L3MBTL2: variants seen among roughly 807,000 people sequenced by gnomAD.
The protein encoded by L3MBTL2 is lethal(3)malignant brain tumor-like protein 2.
L3MBTL2 carries 49 observed loss-of-function variants against 86.4 expected under a neutral mutation model. The ratio of observed to expected loss-of-function variants is 0.57; its 90% CI spans 0.45 to 0.72. The LOEUF is 0.72. L3MBTL2 is among the 30% of genes least tolerant of loss of function. The pLI is 0.00. For missense variants in L3MBTL2, 755 were observed against 923.7 expected, an observed-to-expected ratio of 0.82 and a Z score of 2.37; for synonymous variants, 336 against 350.6, an observed-to-expected ratio of 0.96 and a Z score of 0.47.
intron 2 of L3MBTL2, among the ~76,000 whole-genome samples, chr22:41,210,627 C>G (rs866312132): frequency 6.6e-6 from 1 of 152,216 alleles, no homozygotes; most frequent in African/African-American, 2.4e-5. Flanking sequence ...CCGCGCCAGC[C>G]TAACTTTTGT....
intron 6 of L3MBTL2, 46 bp from the exon 7 acceptor site, chr22:41,220,688 T>A (rs2031747055): frequency 6.4e-7 from 1 of 1,556,750 alleles, no homozygotes; most frequent in East Asian, 2.3e-5. Context: ...GAACATACCT[T>A]CCCCAGCTCA....
In L3MBTL2 at chr22:41,227,443, C is replaced by T. The variant is rs2032265523; in HGVS notation, c.1822+120C>T. On this transcript the variant is annotated intron_variant, in intron 14 of 16. Coordinates refer to ENST00000216237, the MANE Select transcript of L3MBTL2 (RefSeq NM_031488.5). This position sits in a 1 kb window ranked among gnomAD's most constrained non-coding sequence, Gnocchi z 6.0. ...TGAGGTGGAGATGTCTCATGGACCACTTTAAGTAGAGAGTGAGCCCCGTCA... is the reference window on the plus strand; with the variant it reads ...TGAGGTGGAGATGTCTCATGGACCATTTTAAGTAGAGAGTGAGCCCCGTCA... 1 of 1,213,602 alleles carries T rather than the reference C, an allele frequency of 8.2e-7. No homozygotes were observed. The highest frequency in any genetic ancestry group is 1.9e-4 in the Middle Eastern group (1 of 5,310). 75.2% of individuals were successfully genotyped at this position (1,213,602 alleles called of 1,614,324 possible).
Position 41,230,317 on chromosome 22 carries a change from A to C in L3MBTL2, c.*66A>C. The C allele has an allele frequency of 1.7e-6, 2 of 1,152,914 alleles. No homozygotes were observed. The highest frequency in any genetic ancestry group is 2.6e-6 in the Non-Finnish European group (2 of 765,952). 71.4% of individuals were successfully genotyped at this position (1,152,914 alleles called of 1,614,324 possible). A position where few individuals can be genotyped will look rare whatever the true frequency, so the allele number is the denominator to read the frequency against. On this transcript the variant is annotated 3_prime_UTR_variant, in exon 17 of 17. Transcript: ENST00000216237. ...CCAGCGTTTCTCTACCACCACCACC[A>C]TGCCTCCACCTGACTTTGGCTTGGA...
chr22:41,230,545 C>A lies in L3MBTL2; in HGVS notation c.*294C>A. ...CCAAAGCTGGAACGCTAGCTGCCTG[C>A]TCTTCCTTAAGATGGCCTCCCCCCG... On this transcript the variant is annotated 3_prime_UTR_variant, in exon 17 of 17. Coordinates refer to ENST00000216237, the MANE Select transcript of L3MBTL2 (RefSeq NM_031488.5). The A allele has an allele frequency of 2.4e-6, 1 of 416,492 alleles. No homozygotes were observed. The highest frequency in any genetic ancestry group is 4.9e-5 in the East Asian group (1 of 20,356). The allele number at this position is 416,492 out of a possible 1,614,324, so 25.8% of individuals were successfully genotyped here.
intron 5 of L3MBTL2, chr22:41,217,465 G>A (rs1056924568): frequency 1.1e-5 from 5 of 458,842 alleles, no homozygotes; most frequent in East Asian, 8.3e-5. Flanking sequence ...AGCTGATGTC[G>A]AAGGGTCTTT....
rs1275494057 is a variant in L3MBTL2 at position 41,231,043 on chromosome 22, T to G, written c.*792T>G. 1 of 152,226 alleles carries G rather than the reference T, an allele frequency of 6.6e-6. No homozygotes were observed. The highest frequency in any genetic ancestry group is 1.5e-5 in the Non-Finnish European group (1 of 68,052). 9.4% of individuals were successfully genotyped at this position (152,226 alleles called of 1,614,324 possible). On this transcript the variant is annotated 3_prime_UTR_variant, in exon 17 of 17. Coordinates refer to ENST00000216237, the MANE Select transcript of L3MBTL2 (RefSeq NM_031488.5). ...CTAAAAATAATTCATCCAAGATTCC[T>G]TTGTAGTTAAAGGGTCCAGTTCTGA...
At position 41,224,013 on chromosome 22, in the gene L3MBTL2, G is replaced by A. The variant is rs1469106552; in HGVS notation, c.943-7G>A. 9.9e-6 allele frequency: 16 copies of A among 1,612,432 alleles called. No individual in the cohort carries two copies. The highest frequency in any genetic ancestry group is 2.2e-5 in the South Asian group (2 of 91,046). ...CATAGCAGGCCTGTGTTCTGACGTC[G>A]TTTCAGATGGTGGAGAGCATGAAGT... On this transcript the variant is annotated splice_polypyrimidine_tract_variant and splice_region_variant and intron_variant, in intron 8 of 16. Transcript: ENST00000216237. The surrounding 1 kb of genome is among the most constrained non-coding windows in gnomAD (Gnocchi z 4.9).
chr22:41,224,628 G>A lies in L3MBTL2; in HGVS notation c.1175-97G>A. Reference sequence around the variant, plus strand: ...AGAGATACAGCTGAGAACACGTGCAGAGCAGCCCCACATTCCCAGGGGAGG... The same window carrying A: ...AGAGATACAGCTGAGAACACGTGCAAAGCAGCCCCACATTCCCAGGGGAGG... On this transcript the variant is annotated intron_variant, in intron 9 of 16. Transcript: ENST00000216237. This position sits in a 1 kb window ranked among gnomAD's most constrained non-coding sequence, Gnocchi z 4.9. 1 of 875,872 alleles carries A rather than the reference G, an allele frequency of 1.1e-6. No homozygotes were observed. The highest frequency in any genetic ancestry group is 1.9e-6 in the Non-Finnish European group (1 of 520,334). The allele number at this position is 875,872 out of a possible 1,614,324, so 54.3% of individuals were successfully genotyped here. A position where few individuals can be genotyped will look rare whatever the true frequency, so the allele number is the denominator to read the frequency against.
At chr22:41,228,488 CACAG>C in intron 15 of L3MBTL2, 1 of 985,462 alleles carries the variant, frequency 1.0e-6, no homozygotes, top group Non-Finnish European at 1.2e-6. Context: ...AGGTGGGCTC[CACAG>C]TGTGGTACCA....
At chr22:41,210,412 C>T (rs901541408) in intron 2 of L3MBTL2, among the ~76,000 whole-genome samples, 3 of 152,158 alleles carry the variant, frequency 2.0e-5, no homozygotes, top group African/African-American at 7.2e-5. Context: ...TCACTGCAAG[C>T]TCTGCCTCCC....
Position 41,229,553 on chromosome 22 carries a change from G to T in L3MBTL2, c.1902G>T (p.Pro634=). 1 of 1,610,660 alleles carries T rather than the reference G, an allele frequency of 6.2e-7. No homozygotes were observed. Residue 634 remains proline (P), a synonymous_variant, in exon 16 of 17, where the codon CCG becomes CCT. Transcript: ENST00000216237. ...TTTTATTCAAAGGGAAAAGAATCCC[G>T]CCCACTAAGACGCGACCCCTCAGAC... ...KQFGKKRKRI[P]PTKTRPLRQG...
At chr22:41,228,709 G>C (rs1047465369) in intron 15 of L3MBTL2, among the ~76,000 whole-genome samples, 4 of 152,146 alleles carry the variant, frequency 2.6e-5, no homozygotes, top group Non-Finnish European at 5.9e-5. Flanking sequence ...AATTAGCCAG[G>C]TGTGGTGGCA....
At chr22:41,211,033 C>T (rs778945189) in intron 2 of L3MBTL2, among the ~76,000 whole-genome samples, 15 of 151,916 alleles carry the variant, frequency 9.9e-5, no homozygotes, top group Non-Finnish European at 2.2e-4. Flanking sequence ...GGGTTGGGGG[C>T]GGGCAGATGA....
chr22:41,227,720 G>A lies in L3MBTL2; in HGVS notation c.1823-84G>A, dbSNP rs971970530. On this transcript the variant is annotated intron_variant, in intron 14 of 16. Transcript: ENST00000216237. This position sits in a 1 kb window ranked among gnomAD's most constrained non-coding sequence, Gnocchi z 6.0. ...TTGGGGTGTCTCGTGTGGGAGGGTGGATGGGGTCTCGGGATGCGCCTGTGC... is the reference window on the plus strand; with the variant it reads ...TTGGGGTGTCTCGTGTGGGAGGGTGAATGGGGTCTCGGGATGCGCCTGTGC... 15 of 1,606,258 alleles carry A rather than the reference G, an allele frequency of 9.3e-6. No individual in the cohort carries two copies. Among genetic ancestry groups the A allele is most frequent in the Non-Finnish European group, 1.3e-5 (15 of 1,175,422 alleles).
chr22:41,223,671 G>A (rs933983262), intron 8 of L3MBTL2, among the ~76,000 whole-genome samples: 1 of 152,258 alleles, frequency 6.6e-6, no homozygotes, highest in Admixed American at 6.5e-5. Context: ...ATGAGTCTGT[G>A]TAATTCTGGG....
intron 5 of L3MBTL2, 98 bp from the exon 6 acceptor site, chr22:41,219,321 G>T: frequency 1.2e-6 from 1 of 829,336 alleles, no homozygotes; most frequent in Non-Finnish European, 2.1e-6. Context: ...GTGAAAAGTT[G>T]AGGTGCAAAC....
rs1425245821 is a variant in L3MBTL2, at chr22:41,219,541, GTGTT to G, written c.718+8_718+11del. ...CCTCTGTCATCCAGACAGCAGGTGA[GTGTT>G]TGGCCAGGGCAGGGCCAGGGATGTG... On this transcript the variant is annotated splice_donor_region_variant and intron_variant, in intron 6 of 16. Transcript: ENST00000216237. 3.8e-6 allele frequency: 6 copies of G among 1,597,784 alleles called. No individual in the cohort carries two copies. Among genetic ancestry groups the G allele is most frequent in the Admixed American group, 1.7e-5 (1 of 59,914 alleles).
At chr22:41,217,524 C>T in intron 5 of L3MBTL2, 1 of 276,626 alleles carries the variant, frequency 3.6e-6, no homozygotes, top group Non-Finnish European at 7.0e-6. Flanking sequence ...AGCATTTTCC[C>T]ATGGAAAGCA....
intron 16 of L3MBTL2, 142 bp from the exon 17 acceptor site, chr22:41,229,997 C>A: frequency 1.4e-6 from 1 of 701,870 alleles, no homozygotes; most frequent in Non-Finnish European, 2.4e-6. Context: ...CTGCCACTGC[C>A]CTCCCAGAAG....
Sources: gnomAD v4.1 joint callset for allele counts (sites outside exome capture counted in the v4.1 genomes callset) on GRCh38, gnomAD v4.1.1 for gene constraint, Gnocchi (gnomAD v3.1) non-coding constraint, MANE v1.5 for transcripts, NCBI Gene and HGNC (gene_info 2026-07-23, HGNC 2026-07-21) for gene names.